The following NRG3 variants were observed in gnomAD, a reference collection of about 807,000 sequenced individuals.
NRG3 encodes pro-neuregulin-3, membrane-bound isoform.
Under a neutral mutation model 66.9 loss-of-function variants are expected in NRG3, and 31 were observed. The ratio of observed to expected loss-of-function variants is 0.46; its 90% CI spans 0.35 to 0.63. The LOEUF is 0.63. Among genes scored for constraint, NRG3 ranks in the 20% least tolerant of loss-of-function variants. The probability of loss-of-function intolerance (pLI) is 0.00; values close to 1 mark genes in which losing one functional copy is unlikely to be tolerated. For synonymous variants in NRG3, 393 were observed against 359.4 expected, an observed-to-expected ratio of 1.09 and a Z score of -1.06; for missense variants, 910 against 878.9, an observed-to-expected ratio of 1.04 and a Z score of -0.45.
intron 4 of NRG3, among the ~76,000 whole-genome samples, chr10:82,884,360 CACAG>C (rs1477892238): frequency 1.3e-5 from 2 of 151,860 alleles, no homozygotes; most frequent in Non-Finnish European, 2.9e-5. Flanking sequence ...TTTTCTGTTC[CACAG>C]ATAAAAAATA....
At chr10:82,504,421 A>G (rs1046630834) in intron 2 of NRG3, among the ~76,000 whole-genome samples, 1 of 152,146 alleles carries the variant, frequency 6.6e-6, no homozygotes, top group Non-Finnish European at 1.5e-5. Context: ...TGGTGTAGCC[A>G]AAGTTGTCCT....
At chr10:82,804,637 G>A (rs865776872) in intron 3 of NRG3, among the ~76,000 whole-genome samples, 49 of 152,248 alleles carry the variant, frequency 3.2e-4, no homozygotes, top group Middle Eastern at 6.8e-3. Flanking sequence ...TGTAAAGTGA[G>A]GTTTAAATGA....
chr10:82,651,152 T>G (rs2051381014), intron 2 of NRG3, among the ~76,000 whole-genome samples: 1 of 152,160 alleles, frequency 6.6e-6, no homozygotes, highest in Admixed American at 6.5e-5. Context: ...CATTTTCTTG[T>G]TTAGTTTACA....
At chr10:82,050,720 C>A (rs2063551116) in intron 1 of NRG3, among the ~76,000 whole-genome samples, 1 of 149,922 alleles carries the variant, frequency 6.7e-6, no homozygotes, top group Non-Finnish European at 1.5e-5. Flanking sequence ...AACCAGGTAC[C>A]ACTTTAACCA....
intron 1 of NRG3, among the ~76,000 whole-genome samples, chr10:82,023,097 T>G (rs2062135749): frequency 1.3e-5 from 2 of 151,882 alleles, no homozygotes; most frequent in South Asian, 4.1e-4. Flanking sequence ...GTTAAATTTA[T>G]TCATAAGTTT....
intron 1 of NRG3, among the ~76,000 whole-genome samples, chr10:82,349,145 T>C (rs1309254288): frequency 6.6e-6 from 1 of 151,694 alleles, no homozygotes; most frequent in South Asian, 2.1e-4. Flanking sequence ...GGCGCTCTGC[T>C]TTTTAGAGTT....
chr10:81,922,083 C>T (rs1031329317), intron 1 of NRG3, among the ~76,000 whole-genome samples: 4 of 151,868 alleles, frequency 2.6e-5, no homozygotes, highest in Non-Finnish European at 5.9e-5. Context: ...GTTTAAATGC[C>T]CACTATTGCT....
intron 2 of NRG3, among the ~76,000 whole-genome samples, chr10:82,634,089 C>T (rs1277185528): frequency 6.6e-6 from 1 of 152,092 alleles, no homozygotes. Flanking sequence ...CAGCATGGGC[C>T]TTTGTTGTTG....
At chr10:82,399,001 A>G (rs1248101213) in intron 2 of NRG3, among the ~76,000 whole-genome samples, 1 of 152,216 alleles carries the variant, frequency 6.6e-6, no homozygotes, top group Admixed American at 6.5e-5. Context: ...ATATGCTTTA[A>G]CAACTTCTAC....
chr10:82,294,512 C>T (rs2079944517), intron 1 of NRG3, among the ~76,000 whole-genome samples: 1 of 151,882 alleles, frequency 6.6e-6, no homozygotes, highest in Non-Finnish European at 1.5e-5. Flanking sequence ...TCATATGCCA[C>T]CTGCCACCTC....
intron 2 of NRG3, among the ~76,000 whole-genome samples, chr10:82,674,937 A>ATATTTCTT (rs2053564512): frequency 7.0e-6 from 1 of 143,656 alleles, no homozygotes; most frequent in African/African-American, 2.6e-5. Context: ...GGTTTTATTT[A>ATATTTCTT]TATTTATTTA....
intron 2 of NRG3, among the ~76,000 whole-genome samples, chr10:82,433,413 A>T (rs907930802): frequency 1.3e-5 from 2 of 151,944 alleles, no homozygotes; most frequent in African/African-American, 4.8e-5. Flanking sequence ...CATTCTGTAG[A>T]TTGCCTGTTC....
At chr10:82,741,367 C>T (rs2644203) in intron 3 of NRG3, among the ~76,000 whole-genome samples, 149,973 of 152,280 alleles carry the variant, frequency 0.98, 73,861 homozygotes, top group Middle Eastern at 1. Flanking sequence ...TACCCTTTTC[C>T]GACGTTAGCA....
intron 1 of NRG3, among the ~76,000 whole-genome samples, chr10:82,150,528 C>CAAAAAAAAAAAAAAAAAAAAAAAAAAA (rs1264827514): frequency 1.9e-5 from 1 of 51,738 alleles, no homozygotes; most frequent in African/African-American, 8.6e-5. Context: ...AAAGAGCACA[C>CAAAAAAAAAAAAAAAAAAAAAAAAAAA]ACAAAAAAAA....
chr10:82,007,943 CCT>C (rs10570061), intron 1 of NRG3, among the ~76,000 whole-genome samples: 23,944 of 152,098 alleles, frequency 0.16, 2,196 homozygotes, highest in Middle Eastern at 0.22. Flanking sequence ...TTTTTCTCTA[CCT>C]CTCTCAGAAA....
chr10:82,849,906 A>T (rs558325232), intron 3 of NRG3, among the ~76,000 whole-genome samples: 7 of 152,230 alleles, frequency 4.6e-5, no homozygotes, highest in Admixed American at 4.6e-4. Context: ...AAGCAAAGGG[A>T]TAGTGTGATC....
At chr10:82,445,217 G>A (rs2090651510) in intron 2 of NRG3, among the ~76,000 whole-genome samples, 1 of 151,244 alleles carries the variant, frequency 6.6e-6, no homozygotes, top group African/African-American at 2.4e-5. Context: ...CTTGGCAGAT[G>A]ACTCCCAAAC....
chr10:81,912,148 A>G (rs1455971982), intron 1 of NRG3, among the ~76,000 whole-genome samples: 1 of 151,784 alleles, frequency 6.6e-6, no homozygotes, highest in East Asian at 1.9e-4. Context: ...ATTTTATTTT[A>G]TGCTTTGGAT....
intron 1 of NRG3, among the ~76,000 whole-genome samples, chr10:82,182,177 T>C (rs2073469869): frequency 6.7e-6 from 1 of 150,028 alleles, no homozygotes; most frequent in Admixed American, 6.9e-5. Flanking sequence ...AGCAGATAAT[T>C]GTATCTTTTT....
Sources: allele counts gnomAD v4.1 joint callset (sites outside exome capture counted in the v4.1 genomes callset), GRCh38; gene constraint gnomAD v4.1.1; transcripts MANE v1.5; gene names NCBI Gene and HGNC (gene_info 2026-07-23, HGNC 2026-07-21).